CNGB3: variants seen among roughly 807,000 people sequenced by gnomAD.
CNGB3 encodes the protein cyclic nucleotide gated channel subunit beta 3.
A neutral mutation model predicts 92.8 loss-of-function variants in CNGB3; 86 were observed. The observed-to-expected ratio is 0.93, with a 90% CI of 0.78 to 1.11. The LOEUF (loss-of-function observed/expected upper bound fraction) is 1.11, where lower values mean the gene tolerates loss of function less well. Ranked by LOEUF, CNGB3 falls within the 50% of genes least tolerant of loss-of-function variation. The pLI, the probability that CNGB3 is intolerant of heterozygous loss-of-function variation, is 0.00. For missense variants in CNGB3, 1,026 were observed against 956.8 expected, an observed-to-expected ratio of 1.07 and a Z score of -0.95; for synonymous variants, 333 against 332.7, an observed-to-expected ratio of 1.00 and a Z score of -0.01.
At chr8:86,643,936 C>T in intron 9 of CNGB3, 63 bp from the exon 10 acceptor site, 1 of 1,572,318 alleles carries the variant, frequency 6.4e-7, no homozygotes, top group Non-Finnish European at 8.7e-7. Flanking sequence ...CCTATTTTAA[C>T]ATTTTCTTTT....
chr8:86,694,255 C>T (rs1443224226), intron 3 of CNGB3, among the ~76,000 whole-genome samples: 18 of 119,092 alleles, frequency 1.5e-4, no homozygotes, highest in Non-Finnish European at 2.6e-4. Flanking sequence ...CTGGATGGGG[C>T]GGCTGGCCGG....
chr8:86,678,300 C>CT (rs1824013704), intron 3 of CNGB3, among the ~76,000 whole-genome samples: 1 of 152,174 alleles, frequency 6.6e-6, no homozygotes, highest in Non-Finnish European at 1.5e-5. Flanking sequence ...ATGTGGCAGT[C>CT]TACCATAAAG....
chr8:86,610,104 G>A (rs1460122189), intron 14 of CNGB3, among the ~76,000 whole-genome samples: 1 of 152,156 alleles, frequency 6.6e-6, no homozygotes, highest in African/African-American at 2.4e-5. Flanking sequence ...AATGATATAG[G>A]AGTTTTAAAT....
Position 86,602,691 on chromosome 8 carries a change from C to T in CNGB3, c.1781+1402G>A, listed in dbSNP as rs145752464. ...ATCATATGAGCCAGTATCTCAGTTCCAGACACCATCATCTTTCACTTGAGC... is the reference window on the plus strand; with the variant it reads ...ATCATATGAGCCAGTATCTCAGTTCTAGACACCATCATCTTTCACTTGAGC... On this transcript the variant is annotated intron_variant, in intron 15 of 17. Coordinates refer to ENST00000320005, the MANE Select transcript of CNGB3 (RefSeq NM_019098.5). Among the ~76,000 whole-genome samples the T allele has an allele frequency of 3.9e-5, 6 of 152,296 alleles. No individual in the cohort carries two copies. The East Asian group carries it at 1.2e-3, about 29-fold the overall frequency.
At chr8:86,665,153 A>G (rs1346027240) in intron 6 of CNGB3, among the ~76,000 whole-genome samples, 1 of 152,198 alleles carries the variant, frequency 6.6e-6, no homozygotes. Flanking sequence ...TAGCCAAAAA[A>G]CAAGTGAAAA....
intron 3 of CNGB3, among the ~76,000 whole-genome samples, chr8:86,708,655 C>A (rs1225261005): frequency 1.4e-5 from 2 of 142,012 alleles, no homozygotes; most frequent in African/African-American, 2.6e-5. Context: ...GTAGCCTCGA[C>A]TTCCTGGGCT....
intron 3 of CNGB3, among the ~76,000 whole-genome samples, chr8:86,705,559 C>T (rs1824637774): frequency 6.6e-6 from 1 of 151,802 alleles, no homozygotes; most frequent in African/African-American, 2.4e-5. Flanking sequence ...CATGTAAGCC[C>T]CTAAAAACCA....
chr8:86,577,992 C>A (rs771584854), intron 17 of CNGB3, among the ~76,000 whole-genome samples: 1 of 152,036 alleles, frequency 6.6e-6, no homozygotes, highest in South Asian at 2.1e-4. Flanking sequence ...TCACTACAAC[C>A]TTTGCCTCCC....
At chr8:86,689,976 G>T (rs1256134459) in intron 3 of CNGB3, among the ~76,000 whole-genome samples, 5 of 152,240 alleles carry the variant, frequency 3.3e-5, no homozygotes, top group African/African-American at 1.2e-4. Flanking sequence ...TGGACATTTG[G>T]GTTGGTTCCA....
At chr8:86,588,842 G>A (rs1054073777) in intron 15 of CNGB3, among the ~76,000 whole-genome samples, 2 of 151,640 alleles carry the variant, frequency 1.3e-5, no homozygotes, top group Non-Finnish European at 2.9e-5. Flanking sequence ...TCAGAATGAT[G>A]CTGGCCTCAT....
intron 3 of CNGB3, among the ~76,000 whole-genome samples, chr8:86,721,285 A>G (rs1396854229): frequency 6.6e-6 from 1 of 151,824 alleles, no homozygotes; most frequent in East Asian, 1.9e-4. Flanking sequence ...AGAATTGGAG[A>G]CTCTTATTCT....
intron 2 of CNGB3, among the ~76,000 whole-genome samples, chr8:86,735,363 T>C (rs577165383): frequency 6.6e-6 from 1 of 151,682 alleles, no homozygotes; most frequent in African/African-American, 2.4e-5. Flanking sequence ...AGGAGAAAAA[T>C]GGTTGTATTT....
intron 15 of CNGB3, among the ~76,000 whole-genome samples, chr8:86,593,372 T>A (rs1160240153): frequency 6.6e-6 from 1 of 152,214 alleles, no homozygotes; most frequent in Non-Finnish European, 1.5e-5. Context: ...GAAAATACTG[T>A]ATCAAAGAAG....
At position 86,671,052 on chromosome 8, in the gene CNGB3, C is replaced by A. The variant is rs753353080; in HGVS notation, c.385G>T (p.Asp129Tyr). Residue 129 changes from aspartate to tyrosine, a missense_variant, in exon 4 of 18, where the codon GAT becomes TAT. Coordinates refer to ENST00000320005, the MANE Select transcript of CNGB3 (RefSeq NM_019098.5). ...PAAPVINEYA[D>Y]AQLHNLVKRM... ...TTCACCAGGTTGTGTAGCTGGGCAT[C>A]GGCATACTCATTTATAACAGGAGCT... is the stretch of plus-strand genomic sequence containing the variant. The A allele has an allele frequency of 1.2e-6, 2 of 1,613,800 alleles. No individual in the cohort carries two copies. The highest frequency in any genetic ancestry group is 2.2e-5 in the East Asian group (1 of 44,866).
In CNGB3 at chr8:86,717,431, C is replaced by T. The variant is rs184553981; in HGVS notation, c.338+9100G>A. The stretch of plus-strand genomic sequence containing the variant: ...ACAAAAAATTAGCCAGGCGTGGTGG[C>T]GTGTGCCTGTAATCCCAGCTACTGG... On this transcript the variant is annotated intron_variant, in intron 3 of 17. Transcript: ENST00000320005. 6.0e-3 allele frequency among the ~76,000 whole-genome samples: 912 copies of T among 151,932 alleles called. 4 individuals are homozygous for T. Among genetic ancestry groups the T allele is most frequent in the Non-Finnish European group, 9.9e-3 (670 of 67,944 alleles).
rs1298923718 is a variant in CNGB3, at chr8:86,579,162, G to C, written c.1872C>G (p.Leu624=). The stretch of plus-strand genomic sequence containing the variant: ...CTGGATAATGCACTAGAATTTCTTG[G>C]AGGGTCTTTTTGTCTAGAGTTAAAA... ...ANLLTLDKKT[L]QEILVHYPDS... is the part of the protein sequence containing the mutation. Residue 624 remains leucine, a synonymous_variant, in exon 16 of 18, where the codon CTC becomes CTG. Transcript: ENST00000320005. 1.9e-6 allele frequency: 3 copies of C among 1,614,116 alleles called. No individual in the cohort carries two copies. Among genetic ancestry groups the C allele is most frequent in the Non-Finnish European group, 2.5e-6 (3 of 1,180,034 alleles).
intron 3 of CNGB3, among the ~76,000 whole-genome samples, chr8:86,707,327 G>A (rs1000118193): frequency 1.3e-5 from 2 of 152,188 alleles, no homozygotes; most frequent in African/African-American, 4.8e-5. Context: ...AATATGTCAG[G>A]TGATGATAAA....
In CNGB3 at chr8:86,576,085, C is replaced by T; in HGVS notation, c.2149G>A (p.Glu717Lys). 3 of 1,602,982 alleles carry T rather than the reference C, an allele frequency of 1.9e-6. No individual in the cohort carries two copies. The highest frequency in any genetic ancestry group is 2.6e-6 in the Non-Finnish European group (3 of 1,175,272). Reference protein sequence around the residue: ...EGGEEEGKENEDKQKENEDKQ... With the variant: ...EGGEEEGKENKDKQKENEDKQ... ...TCTTCATTTTCTTTTTGTTTATCTT[C>T]ATTTTCTTTTCCTTCTTCCTCTCCT... The change falls in exon 18 of 18, where the codon GAA (glutamate) becomes AAA (lysine). Residue 717 changes from glutamate (E) to lysine (K), a missense_variant. Physicochemically the swap from Glu to Lys is moderately conservative, Grantham distance 56. Coordinates refer to ENST00000320005, the MANE Select transcript of CNGB3 (RefSeq NM_019098.5).
chr8:86,671,161 T>A (rs1345369208), intron 3 of CNGB3, 63 bp from the exon 4 acceptor site: 1 of 1,568,256 alleles, frequency 6.4e-7, no homozygotes, highest in East Asian at 2.2e-5. Flanking sequence ...AAGGGAAAGA[T>A]TAAATCTTTT....
Sources: allele counts gnomAD v4.1 joint callset (sites outside exome capture counted in the v4.1 genomes callset), GRCh38; gene constraint gnomAD v4.1.1; transcripts MANE v1.5; gene names NCBI Gene and HGNC (gene_info 2026-07-23, HGNC 2026-07-21).